CCDC171: variants seen among roughly 807,000 people sequenced by gnomAD.
CCDC171 encodes the protein coiled-coil domain-containing protein 171.
CCDC171 carries 177 observed loss-of-function variants against 168.2 expected under a neutral mutation model. That is an observed-to-expected ratio of 1.05 (90% CI 0.93 to 1.19). The LOEUF is 1.19. CCDC171 is among the 50% of genes most tolerant of loss of function. The pLI is 0.00. For synonymous variants in CCDC171, 687 were observed against 540.8 expected, an observed-to-expected ratio of 1.27 and a Z score of -3.75; for missense variants, 1,991 against 1,539.0, an observed-to-expected ratio of 1.29 and a Z score of -4.91.
intron 21 of CCDC171, among the ~76,000 whole-genome samples, chr9:15,798,640 C>G (rs1180142620): frequency 1.3e-5 from 2 of 152,100 alleles, no homozygotes; most frequent in Admixed American, 1.3e-4. Flanking sequence ...GTGTAGCCCA[C>G]TGTCCATATA....
chr9:15,727,393 C>CT (rs944550029), intron 14 of CCDC171, among the ~76,000 whole-genome samples: 2 of 152,140 alleles, frequency 1.3e-5, no homozygotes, highest in Non-Finnish European at 2.9e-5. Flanking sequence ...ATTGGTATAA[C>CT]TTTTTTTCAT....
intron 7 of CCDC171, among the ~76,000 whole-genome samples, chr9:15,652,278 A>G (rs1048505668): frequency 2.6e-5 from 4 of 152,192 alleles, no homozygotes; most frequent in African/African-American, 9.7e-5. Context: ...TCTCAGCATC[A>G]TTTAATGAAA....
intron 3 of CCDC171, among the ~76,000 whole-genome samples, chr9:15,987,619 C>T (rs1832035087): frequency 6.7e-6 from 1 of 149,204 alleles, no homozygotes; most frequent in African/African-American, 2.5e-5. Context: ...GACTTGTTAA[C>T]TAAACTATGA....
chr9:15,960,666 C>T (rs565314373), intron 25 of CCDC171, among the ~76,000 whole-genome samples: 4 of 152,262 alleles, frequency 2.6e-5, no homozygotes, highest in African/African-American at 7.2e-5. Flanking sequence ...ATGTCATTGC[C>T]AACTAAGTGA....
chr9:15,811,386 G>C (rs1252848322), intron 21 of CCDC171, among the ~76,000 whole-genome samples: 1 of 152,104 alleles, frequency 6.6e-6, no homozygotes, highest in African/African-American at 2.4e-5. Context: ...GAAAAAAGTG[G>C]AACAAATTAA....
intron 25 of CCDC171, among the ~76,000 whole-genome samples, chr9:15,949,730 A>G (rs2132439717): frequency 6.6e-6 from 1 of 152,140 alleles, no homozygotes; most frequent in East Asian, 1.9e-4. Context: ...TTTTCTAGAT[A>G]TACAATCATG....
chr9:15,698,568 C>G (rs528216184), intron 11 of CCDC171, among the ~76,000 whole-genome samples: 1 of 150,872 alleles, frequency 6.6e-6, no homozygotes, highest in South Asian at 2.1e-4. Flanking sequence ...CTTTCAGTGC[C>G]TGGCTTATTT....
chr9:16,034,625 G>A (rs775417505), intron 6 of CCDC171, among the ~76,000 whole-genome samples: 7 of 152,286 alleles, frequency 4.6e-5, no homozygotes, highest in Non-Finnish European at 1.0e-4. Context: ...GCCTCCTGTC[G>A]TAGTTCTGTC....
At chr9:15,639,149 G>T (rs1160409458) in intron 7 of CCDC171, among the ~76,000 whole-genome samples, 1 of 151,896 alleles carries the variant, frequency 6.6e-6, no homozygotes, top group African/African-American at 2.4e-5. Flanking sequence ...TTTCATAATT[G>T]TTGATAAAGA....
Position 15,594,107 on chromosome 9 carries a change from G to A in CCDC171, c.610G>A (p.Glu204Lys). 1 of 1,545,996 alleles carries A rather than the reference G, an allele frequency of 6.5e-7. No individual in the cohort carries two copies. Residue 204 changes from glutamate (E) to lysine (K), a missense_variant, in exon 6 of 26, where the codon GAG becomes AAG. By Grantham distance (56) the Glu-to-Lys change is moderately conservative. Transcript: ENST00000380701. ...MESHIRETALEEFRLQEEQWE... is the reference protein window; with the variant it reads ...MESHIRETALKEFRLQEEQWE... ...GTCTCATATCAGGGAGACAGCATTG[G>A]AGGAGTTTAGATTACAAGAAGAACA...
At chr9:15,922,222 C>T in intron 25 of CCDC171, 1 of 348,536 alleles carries the variant, frequency 2.9e-6, no homozygotes, top group Non-Finnish European at 6.3e-6. Context: ...TAGGAGAATG[C>T]TGCCCAATTC....
chr9:16,058,435 C>T (rs181480424), intron 1 of CCDC171, among the ~76,000 whole-genome samples: 2 of 152,120 alleles, frequency 1.3e-5, no homozygotes, highest in Admixed American at 6.6e-5. Flanking sequence ...GTATCCTCGC[C>T]GGCGTGCACA....
chr9:15,705,548 G>T (rs1420717112), intron 11 of CCDC171, among the ~76,000 whole-genome samples: 1 of 152,102 alleles, frequency 6.6e-6, no homozygotes, highest in African/African-American at 2.4e-5. Flanking sequence ...TTTTTACCTA[G>T]TGTATCTGTA....
the CCDC171 span, among the ~76,000 whole-genome samples, chr9:16,082,778 A>G: frequency 2.2e-4 from 34 of 152,314 alleles, no homozygotes; most frequent in Admixed American, 6.5e-5. Context: ...CATTCTTCTC[A>G]GGTGGAATCT....
At chr9:15,614,299 C>A (rs1192515887) in intron 6 of CCDC171, among the ~76,000 whole-genome samples, 1 of 152,174 alleles carries the variant, frequency 6.6e-6, no homozygotes, top group Non-Finnish European at 1.5e-5. Context: ...TTCTTCTCTC[C>A]TTCCCCACAG....
chr9:16,034,539 A>G (rs887469897), intron 6 of CCDC171, among the ~76,000 whole-genome samples: 1 of 152,164 alleles, frequency 6.6e-6, no homozygotes, highest in Admixed American at 6.5e-5. Context: ...ACCAAGGTTC[A>G]GTGTGGAGGT....
the CCDC171 span, among the ~76,000 whole-genome samples, chr9:16,066,709 G>C: frequency 1.3e-5 from 2 of 148,778 alleles, no homozygotes; most frequent in East Asian, 4.0e-4. Flanking sequence ...AGAATATGCG[G>C]TGTTTGGTTT....
chr9:16,051,064 A>G (rs1586862510), intron 1 of CCDC171, among the ~76,000 whole-genome samples: 1 of 152,302 alleles, frequency 6.6e-6, no homozygotes, highest in East Asian at 1.9e-4. Context: ...TACTGTACAA[A>G]GTGGCCTATG....
At chr9:15,833,605 C>T (rs1450760285) in intron 21 of CCDC171, among the ~76,000 whole-genome samples, 2 of 151,914 alleles carry the variant, frequency 1.3e-5, no homozygotes, top group African/African-American at 4.8e-5. Flanking sequence ...CTTGTATTTG[C>T]TTTAGTGGTT....
Sources: gnomAD v4.1 joint callset for allele counts (sites outside exome capture counted in the v4.1 genomes callset) on GRCh38, gnomAD v4.1.1 for gene constraint, MANE v1.5 for transcripts, NCBI Gene and HGNC (gene_info 2026-07-23, HGNC 2026-07-21) for gene names.